THADA: variants seen among roughly 807,000 people sequenced by gnomAD.
THADA encodes tRNA (32-2'-O)-methyltransferase regulator THADA.
In THADA, 213 loss-of-function variants were observed where a neutral mutation model predicts 219.8. That is an observed-to-expected ratio of 0.97 (90% CI 0.87 to 1.09). The LOEUF is 1.09. THADA is among the 50% of genes least tolerant of loss of function. The pLI is 0.00. For missense variants in THADA, 2,956 were observed against 2,311.3 expected (o/e 1.28, Z -5.72); for synonymous variants, 1,018 against 828.9 (o/e 1.23, Z -3.92).
At chr2:43,244,630 G>A (rs1436661515) in intron 36 of THADA, among the ~76,000 whole-genome samples, 1 of 152,170 alleles carries the variant, frequency 6.6e-6, no homozygotes. Context: ...GCAAGCAGTG[G>A]GCCCTGTCCA....
chr2:43,461,597 T>C (rs748333719), intron 26 of THADA, among the ~76,000 whole-genome samples: 4 of 152,172 alleles, frequency 2.6e-5, no homozygotes, highest in East Asian at 1.9e-4. Context: ...AATTTAATTA[T>C]AGGTTTGAGC....
At chr2:43,593,658 G>C (rs972444302) in intron 1 of THADA, among the ~76,000 whole-genome samples, 1 of 147,530 alleles carries the variant, frequency 6.8e-6, no homozygotes, top group Admixed American at 6.7e-5. Flanking sequence ...TTTTGAGACG[G>C]AGTCTTGCTC....
intron 4 of THADA, 66 bp from the exon 5 acceptor site, chr2:43,587,068 G>C: frequency 1.4e-6 from 2 of 1,479,040 alleles, no homozygotes; most frequent in Non-Finnish European, 1.9e-6. Context: ...GGAGAGGGAA[G>C]AGAATCATAC....
intron 26 of THADA, among the ~76,000 whole-genome samples, chr2:43,450,141 G>A (rs561542591): frequency 6.6e-6 from 1 of 152,124 alleles, no homozygotes; most frequent in Non-Finnish European, 1.5e-5. Flanking sequence ...TAGGATCATT[G>A]TAACTCTGGT....
chr2:43,515,119 A>ATTTT (rs1691291385), intron 22 of THADA, among the ~76,000 whole-genome samples: 2 of 7,210 alleles, frequency 2.8e-4, no homozygotes, highest in Non-Finnish European at 4.4e-4. Context: ...TTTTATATAT[A>ATTTT]ATATATTTTA....
At chr2:43,448,372 A>G (rs1322826453) in intron 26 of THADA, among the ~76,000 whole-genome samples, 2 of 152,186 alleles carry the variant, frequency 1.3e-5, no homozygotes, top group African/African-American at 4.8e-5. Context: ...AGCCTGTGGG[A>G]TGAGGATCCC....
At chr2:43,309,350 G>A (rs759555184) in intron 31 of THADA, among the ~76,000 whole-genome samples, 4 of 152,030 alleles carry the variant, frequency 2.6e-5, no homozygotes, top group Non-Finnish European at 2.9e-5. Context: ...TTTTACCCAA[G>A]AGAAATGAAA....
intron 13 of THADA, 46 bp downstream of exon 13, chr2:43,571,660 CA>C (rs1220461617): frequency 6.4e-7 from 1 of 1,558,214 alleles, no homozygotes; most frequent in Admixed American, 2.0e-5. Flanking sequence ...AACGATTTCC[CA>C]AACAAAGTTC....
chr2:43,490,255 T>C lies in THADA; in HGVS notation c.3745-4930A>G, dbSNP rs75691812. 2.9e-3 allele frequency among the ~76,000 whole-genome samples: 442 copies of C among 152,312 alleles called. 3 individuals carry two copies. The highest frequency in any genetic ancestry group is 0.01 in the African/African-American group (426 of 41,576). Reference sequence around the variant, plus strand: ...CATGTGTGTGGATTCCTTAGGATTTTTCTATATTTAAGATCATGTCATCAG... The same window carrying C: ...CATGTGTGTGGATTCCTTAGGATTTCTCTATATTTAAGATCATGTCATCAG... On this transcript the variant is annotated intron_variant, in intron 25 of 37. Coordinates refer to ENST00000405975, the MANE Select transcript of THADA (RefSeq NM_022065.5).
At chr2:43,449,215 C>G (rs1450826299) in intron 26 of THADA, among the ~76,000 whole-genome samples, 2 of 152,068 alleles carry the variant, frequency 1.3e-5, no homozygotes, top group African/African-American at 4.8e-5. Context: ...GAAGGCATAT[C>G]TGAGTAGGTA....
chr2:43,439,495 G>C (rs544217162), intron 26 of THADA, among the ~76,000 whole-genome samples: 11 of 152,302 alleles, frequency 7.2e-5, no homozygotes, highest in Admixed American at 2.6e-4. Context: ...CCAGCCATTA[G>C]TCATTTAGTA....
In THADA at chr2:43,571,818, G is replaced by C. The variant is rs769915625; in HGVS notation, c.1953C>G (p.Ser651Arg). 1 of 1,613,846 alleles carries C rather than the reference G, an allele frequency of 6.2e-7. No homozygotes were observed. The highest frequency in any genetic ancestry group is 2.2e-5 in the East Asian group (1 of 44,886). ...TLGLLCESNR[S>R]TEIVSMEEMQ... ...TTTCTTCCATGGAAACAATTTCTGT[G>C]CTCCGATTACTTTCACAAAGCAAGC... Residue 651 changes from serine to arginine, a missense_variant, in exon 13 of 38, where the codon AGC (serine) becomes AGG (arginine). By Grantham distance (110) the Ser-to-Arg change is moderately radical. Transcript: ENST00000405975.
intron 25 of THADA, among the ~76,000 whole-genome samples, chr2:43,497,570 A>G (rs1335111657): frequency 6.6e-6 from 1 of 152,174 alleles, no homozygotes; most frequent in Non-Finnish European, 1.5e-5. Flanking sequence ...CAGGACAAAT[A>G]GCTAATGCAT....
chr2:43,437,940 C>T (rs534384429), intron 26 of THADA, among the ~76,000 whole-genome samples: 1 of 152,142 alleles, frequency 6.6e-6, no homozygotes, highest in East Asian at 1.9e-4. Context: ...AATGGACACA[C>T]CTATCAAAAT....
At chr2:43,550,954 A>G (rs950641526) in intron 19 of THADA, among the ~76,000 whole-genome samples, 12 of 152,046 alleles carry the variant, frequency 7.9e-5, no homozygotes, top group Non-Finnish European at 1.6e-4. Context: ...ATCTCTACCA[A>G]AAAAAAATTA....
chr2:43,237,084 A>C (rs917553363), intron 36 of THADA, among the ~76,000 whole-genome samples: 9 of 151,560 alleles, frequency 5.9e-5, no homozygotes, highest in South Asian at 2.1e-4. Flanking sequence ...AAAAAAAAAA[A>C]AAAAAACCAG....
At chr2:43,490,416 T>A (rs992659262) in intron 25 of THADA, among the ~76,000 whole-genome samples, 1 of 152,214 alleles carries the variant, frequency 6.6e-6, no homozygotes, top group Non-Finnish European at 1.5e-5. Flanking sequence ...TGTTCCTGAT[T>A]TTAGAGAGAA....
intron 36 of THADA, among the ~76,000 whole-genome samples, chr2:43,261,779 G>C (rs182043881): frequency 3.3e-5 from 5 of 152,024 alleles, no homozygotes; most frequent in Non-Finnish European, 5.9e-5. Context: ...TGAGATTACA[G>C]GCGCATGCCA....
intron 15 of THADA, chr2:43,566,422 T>C (rs951848493): frequency 1.4e-5 from 10 of 700,538 alleles, no homozygotes; most frequent in East Asian, 2.7e-5. Flanking sequence ...ACAAACAAAT[T>C]AGTGAGGTAA....
Sources: gnomAD v4.1 joint callset for allele counts (sites outside exome capture counted in the v4.1 genomes callset) on GRCh38, gnomAD v4.1.1 for gene constraint, MANE v1.5 for transcripts, NCBI Gene and HGNC (gene_info 2026-07-23, HGNC 2026-07-21) for gene names.